The following GNAI1 variants were observed in gnomAD, a reference collection of about 807,000 sequenced individuals.
GNAI1 encodes the protein guanine nucleotide-binding protein G(i) subunit alpha-1.
In GNAI1, 11 loss-of-function variants were observed where a neutral mutation model predicts 38.9. That is an observed-to-expected ratio of 0.28 (90% CI 0.18 to 0.47). GNAI1 has a LOEUF of 0.47. Among genes scored for constraint, GNAI1 ranks in the 20% least tolerant of loss-of-function variants. The probability of loss-of-function intolerance (pLI) is 0.99; values close to 1 mark genes in which losing one functional copy is unlikely to be tolerated. For synonymous variants in GNAI1, 166 were observed against 145.1 expected (o/e 1.14, Z -1.04); for missense variants, 317 against 436.9 (o/e 0.73, Z 2.45).
chr7:80,193,663 G>A (rs1788518413), intron 3 of GNAI1, among the ~76,000 whole-genome samples: 1 of 152,142 alleles, frequency 6.6e-6, no homozygotes, highest in Non-Finnish European at 1.5e-5. Flanking sequence ...GTGGACTAGT[G>A]CCTGTCCACA....
rs1788994613 is a variant in GNAI1, at chr7:80,217,502, G to T, written c.*9G>T. On this transcript the variant is annotated 3_prime_UTR_variant, in exon 8 of 8. Transcript: ENST00000649796. Reference sequence around the variant, plus strand: ...ATTGTGGTCTCTTTTAAGTTTTGCAGTTCATGGTAAAATGCATTTTCAAAC... The same window carrying T: ...ATTGTGGTCTCTTTTAAGTTTTGCATTTCATGGTAAAATGCATTTTCAAAC... The T allele has an allele frequency of 1.3e-6, 2 of 1,549,170 alleles. No homozygotes were observed. Among genetic ancestry groups the T allele is most frequent in the African/African-American group, 1.4e-5 (1 of 72,492 alleles).
At chr7:80,168,084 C>G (rs1788041267) in intron 1 of GNAI1, among the ~76,000 whole-genome samples, 2 of 152,278 alleles carry the variant, frequency 1.3e-5, no homozygotes, top group South Asian at 2.1e-4. Context: ...TGGGCTAGCG[C>G]TATCCTTTTT....
intron 1 of GNAI1, among the ~76,000 whole-genome samples, chr7:80,140,752 TCATTAC>T (rs112417799): frequency 6.6e-6 from 1 of 152,222 alleles, no homozygotes; most frequent in African/African-American, 2.4e-5. Context: ...TAATGAATGT[TCATTAC>T]CATAAACGTA....
At chr7:80,149,832 C>T (rs769615326) in intron 1 of GNAI1, among the ~76,000 whole-genome samples, 19 of 152,032 alleles carry the variant, frequency 1.2e-4, no homozygotes, top group Non-Finnish European at 2.2e-4. Context: ...TTAAAATTTA[C>T]ATAATTTTAT....
intron 1 of GNAI1, among the ~76,000 whole-genome samples, chr7:80,180,904 C>G (rs1329405814): frequency 6.6e-6 from 1 of 152,020 alleles, no homozygotes; most frequent in African/African-American, 2.4e-5. Context: ...TGATGCTCTC[C>G]TAGGTTTTGG....
intron 1 of GNAI1, among the ~76,000 whole-genome samples, chr7:80,160,915 G>A (rs903989903): frequency 1.6e-4 from 25 of 152,038 alleles, no homozygotes; most frequent in African/African-American, 5.8e-4. Flanking sequence ...TGTGTAGTAC[G>A]ATATCTTGCA....
At chr7:80,149,164 T>G (rs544899156) in intron 1 of GNAI1, among the ~76,000 whole-genome samples, 2 of 152,280 alleles carry the variant, frequency 1.3e-5, no homozygotes, top group African/African-American at 4.8e-5. Flanking sequence ...TTACACTTAT[T>G]CTGGCTTAAA....
chr7:80,152,002 A>G (rs1183623110), intron 1 of GNAI1, among the ~76,000 whole-genome samples: 1 of 152,128 alleles, frequency 6.6e-6, no homozygotes, highest in Non-Finnish European at 1.5e-5. Flanking sequence ...GTTTATTTTT[A>G]ATTTTTTCAC....
intron 1 of GNAI1, among the ~76,000 whole-genome samples, chr7:80,149,404 G>A (rs942165970): frequency 6.6e-6 from 1 of 152,040 alleles, no homozygotes; most frequent in African/African-American, 2.4e-5. Flanking sequence ...TAAAGCTTAT[G>A]ATGTGTATAG....
At chr7:80,184,162 G>C (rs539203079) in intron 1 of GNAI1, among the ~76,000 whole-genome samples, 2 of 152,170 alleles carry the variant, frequency 1.3e-5, no homozygotes, top group Non-Finnish European at 2.9e-5. Context: ...TACCTCCTCA[G>C]AAGAAAGAAT....
At chr7:80,172,862 T>C (rs1401539809) in intron 1 of GNAI1, among the ~76,000 whole-genome samples, 1 of 152,168 alleles carries the variant, frequency 6.6e-6, no homozygotes, top group African/African-American at 2.4e-5. Flanking sequence ...TGCATAATAT[T>C]AGAAGTTTTT....
At chr7:80,143,518 A>T (rs1584003272) in intron 1 of GNAI1, among the ~76,000 whole-genome samples, 1 of 152,120 alleles carries the variant, frequency 6.6e-6, no homozygotes, top group Non-Finnish European at 1.5e-5. Flanking sequence ...GTTTTCTAAC[A>T]TTTTCCATGT....
At chr7:80,184,285 A>G (rs1404653566) in intron 1 of GNAI1, among the ~76,000 whole-genome samples, 2 of 152,198 alleles carry the variant, frequency 1.3e-5, no homozygotes, top group Non-Finnish European at 2.9e-5. Flanking sequence ...AAGAGGGCCA[A>G]GCTGGTGACT....
Position 80,223,559 on chromosome 7 carries a change from C to A in GNAI1, c.*6066C>A, listed in dbSNP as rs565116384. Among the ~76,000 whole-genome samples, 1 of 152,154 alleles carries A rather than the reference C, an allele frequency of 6.6e-6. No homozygotes were observed. Among genetic ancestry groups the A allele is most frequent in the African/African-American group, 2.4e-5 (1 of 41,450 alleles). On this transcript the variant is annotated 3_prime_UTR_variant, in exon 8 of 8. Transcript: ENST00000649796. ...TTAAGTCAAAGCTACTTCTAAACAG[C>A]TCTATCTTTAATTTCTATTAAATAG...
At chr7:80,137,209 C>T (rs1787429862) in intron 1 of GNAI1, among the ~76,000 whole-genome samples, 1 of 150,188 alleles carries the variant, frequency 6.7e-6, no homozygotes, top group Non-Finnish European at 1.5e-5. Context: ...TCTTGACAGT[C>T]ATCATAAGTG....
At chr7:80,198,473 T>C (rs1451811444) in intron 3 of GNAI1, among the ~76,000 whole-genome samples, 1 of 152,096 alleles carries the variant, frequency 6.6e-6, no homozygotes, top group African/African-American at 2.4e-5. Flanking sequence ...CAAATATGAG[T>C]AGCCTCAAAT....
chr7:80,197,565 A>G (rs1788600042), intron 3 of GNAI1, among the ~76,000 whole-genome samples: 2 of 152,092 alleles, frequency 1.3e-5, no homozygotes, highest in South Asian at 4.1e-4. Context: ...AAAATGGTCA[A>G]ATTCAGAAAT....
chr7:80,191,886 T>TTG (rs1190836185), intron 3 of GNAI1, among the ~76,000 whole-genome samples: 1 of 152,244 alleles, frequency 6.6e-6, no homozygotes, highest in Non-Finnish European at 1.5e-5. Context: ...ACTTAGGTGT[T>TTG]ATCAACATTT....
intron 6 of GNAI1, 50 bp from the exon 7 acceptor site, chr7:80,212,666 C>CA: frequency 8.3e-7 from 1 of 1,209,098 alleles, no homozygotes; most frequent in South Asian, 1.9e-5. Flanking sequence ...AAATAGTCCT[C>CA]AAAAATCCTT....
Sources: gnomAD v4.1 joint callset for allele counts (sites outside exome capture counted in the v4.1 genomes callset) on GRCh38, gnomAD v4.1.1 for gene constraint, MANE v1.5 for transcripts, NCBI Gene and HGNC (gene_info 2026-07-23, HGNC 2026-07-21) for gene names.